LAIR2: variants seen among roughly 807,000 people sequenced by gnomAD.
LAIR2 encodes the protein leukocyte-associated immunoglobulin-like receptor 2.
A neutral mutation model predicts 14.8 loss-of-function variants in LAIR2; 14 were observed. The observed-to-expected ratio is 0.95, with a 90% CI of 0.62 to 1.48. LAIR2 has a LOEUF of 1.48. Ranked by LOEUF, LAIR2 falls within the 40% of genes most tolerant of loss-of-function variation. The pLI, the probability that LAIR2 is intolerant of heterozygous loss-of-function variation, is 0.00. For synonymous variants in LAIR2, 75 were observed against 74.5 expected, an observed-to-expected ratio of 1.01 and a Z score of -0.03; for missense variants, 172 against 180.9, an observed-to-expected ratio of 0.95 and a Z score of 0.28.
chr19:54,506,359 G>A (rs1207185184), intron 2 of LAIR2, among the ~76,000 whole-genome samples: 1 of 152,176 alleles, frequency 6.6e-6, no homozygotes, highest in Admixed American at 6.5e-5. Flanking sequence ...TAGTCACCGT[G>A]TTGTACATGA....
rs371739965 is a variant in LAIR2 at position 54,503,751 on chromosome 19, G to T, written c.70+16G>T. ...ACGCAGGAGGGTAAGTCATGCCTTC[G>T]TCCCGTCTTCCCAGTCCCCTCTGTC... On this transcript the variant is annotated intron_variant, in intron 2 of 4. Transcript: ENST00000301202. The T allele has an allele frequency of 1.9e-6, 3 of 1,613,822 alleles. No homozygotes were observed. The highest frequency in any genetic ancestry group is 1.3e-5 in the African/African-American group (1 of 74,842).
intron 4 of LAIR2, 26 bp from the exon 5 acceptor site, chr19:54,510,500 A>G (rs1321371002): frequency 6.3e-7 from 1 of 1,593,892 alleles, no homozygotes; most frequent in South Asian, 1.1e-5. Flanking sequence ...TCCTATTAAT[A>G]CTGAGGAAGT....
chr19:54,506,663 C>A (rs2085369604), intron 2 of LAIR2, among the ~76,000 whole-genome samples: 2 of 152,222 alleles, frequency 1.3e-5, no homozygotes, highest in Admixed American at 1.3e-4. Flanking sequence ...CGTCCACCTC[C>A]AAAGGGCAGG....
chr19:54,502,872 C>T lies in LAIR2; in HGVS notation c.-47C>T, dbSNP rs2042287. On this transcript the variant is annotated 5_prime_UTR_variant, in exon 1 of 5. Transcript: ENST00000301202. ...CCACGGGCAGGAGGCCCCCGGCCAGCACATCCTGTCTGCTTGTGTCTGCTG... is the reference window on the plus strand; with the variant it reads ...CCACGGGCAGGAGGCCCCCGGCCAGTACATCCTGTCTGCTTGTGTCTGCTG... 0.12 allele frequency: 189,584 copies of T among 1,612,690 alleles called. 12,705 individuals carry two copies. The highest frequency in any genetic ancestry group is 0.24 in the Admixed American group (14,576 of 59,976).
chr19:54,510,045 G>A (rs2085441132), intron 4 of LAIR2, among the ~76,000 whole-genome samples: 2 of 145,780 alleles, frequency 1.4e-5, no homozygotes, highest in Admixed American at 6.9e-5. Context: ...GAGCGATGCC[G>A]TGCTCCATCC....
chr19:54,504,801 G>A (rs1390717741), intron 2 of LAIR2, among the ~76,000 whole-genome samples: 2 of 152,040 alleles, frequency 1.3e-5, no homozygotes, highest in African/African-American at 4.8e-5. Flanking sequence ...GTAGAGATGG[G>A]GTTTCACCAT....
intron 2 of LAIR2, among the ~76,000 whole-genome samples, chr19:54,506,630 CA>C (rs2085369096): frequency 6.6e-6 from 1 of 152,216 alleles, no homozygotes; most frequent in African/African-American, 2.4e-5. Flanking sequence ...ATTCTTCGAT[CA>C]ATATCTGTCC....
At chr19:54,508,302 T>A in intron 3 of LAIR2, 118 bp downstream of exon 3, 5 of 978,626 alleles carry the variant, frequency 5.1e-6, no homozygotes, top group Non-Finnish European at 6.0e-6. Context: ...GCCCTCTTCC[T>A]GACCCCAAGC....
intron 2 of LAIR2, among the ~76,000 whole-genome samples, chr19:54,507,448 C>T (rs1282783486): frequency 1.1e-4 from 16 of 152,158 alleles, no homozygotes; most frequent in Non-Finnish European, 1.5e-4. Flanking sequence ...ACCCGGGGAC[C>T]GGCCAGTGCC....
chr19:54,508,315 T>TC (rs1555754866), intron 3 of LAIR2, 131 bp downstream of exon 3: 2 of 264,482 alleles, frequency 7.6e-6, no homozygotes, highest in African/African-American at 7.6e-5. Flanking sequence ...CCCCAAGCCC[T>TC]CCCCTCCCCT....
chr19:54,507,451 C>T (rs1316899654), intron 2 of LAIR2, among the ~76,000 whole-genome samples: 40 of 152,098 alleles, frequency 2.6e-4, no homozygotes, highest in Non-Finnish European at 4.9e-4. Context: ...CGGGGACCGG[C>T]CAGTGCCCTT....
chr19:54,503,724 A>T lies in LAIR2; in HGVS notation c.59A>T (p.His20Leu). The change falls in exon 2 of 5, where the codon CAC (histidine) becomes CTC (leucine). Residue 20 changes from histidine (H) to leucine (L), a missense_variant. By Grantham distance (99) the His-to-Leu change is moderately conservative. This residue lies in a region of LAIR2 where 161 missense variants were observed against 149.0 expected (regional missense o/e 1.08). Transcript: ENST00000301202. ...GTGCTCTGCCTGGCCCAGACCATCC[A>T]CACGCAGGAGGGTAAGTCATGCCTT... ...GLVLCLAQTI[H>L]TQEGALPRPS... 1.9e-6 allele frequency: 3 copies of T among 1,613,958 alleles called. No individual in the cohort carries two copies. In the South Asian group the frequency reaches 3.3e-5, roughly 18 times the overall value.
At chr19:54,503,613 C>A in intron 1 of LAIR2, 87 bp from the exon 2 acceptor site, 1 of 1,554,536 alleles carries the variant, frequency 6.4e-7, no homozygotes, top group South Asian at 1.1e-5. Context: ...GCTGAATGCC[C>A]CCCAGCTCCG....
chr19:54,504,713 G>A (rs996329767), intron 2 of LAIR2, among the ~76,000 whole-genome samples: 7 of 152,110 alleles, frequency 4.6e-5, no homozygotes, highest in Admixed American at 6.5e-5. Context: ...AAGTTCAAGC[G>A]ATTCTCCTGC....
chr19:54,503,994 A>G (rs1260248873), intron 2 of LAIR2, among the ~76,000 whole-genome samples: 2 of 151,974 alleles, frequency 1.3e-5, no homozygotes, highest in South Asian at 2.1e-4. Context: ...GTCTCACTCC[A>G]TCACCCAGGC....
chr19:54,505,785 T>C (rs945332966), intron 2 of LAIR2, among the ~76,000 whole-genome samples: 2 of 151,710 alleles, frequency 1.3e-5, no homozygotes, highest in Non-Finnish European at 2.9e-5. Context: ...AAACACTCCA[T>C]ATGCCGCTCA....
chr19:54,504,690 A>G (rs1286413963), intron 2 of LAIR2, among the ~76,000 whole-genome samples: 1 of 151,966 alleles, frequency 6.6e-6, no homozygotes, highest in East Asian at 1.9e-4. Context: ...GTTCACCGCA[A>G]ACTCAACTTC....
At chr19:54,510,247 G>A (rs942197314) in intron 4 of LAIR2, among the ~76,000 whole-genome samples, 3 of 143,962 alleles carry the variant, frequency 2.1e-5, no homozygotes, top group Non-Finnish European at 4.5e-5. Flanking sequence ...ACATATAAAG[G>A]TCACGAGGGC....
chr19:54,503,744 T>C lies in LAIR2; in HGVS notation c.70+9T>C, dbSNP rs1162195504. ...CATCCACACGCAGGAGGGTAAGTCA[T>C]GCCTTCGTCCCGTCTTCCCAGTCCC... On this transcript the variant is annotated intron_variant, in intron 2 of 4. Transcript: ENST00000301202. 1.2e-6 allele frequency: 2 copies of C among 1,613,952 alleles called. No individual in the cohort carries two copies. Among genetic ancestry groups the C allele is most frequent in the South Asian group, 1.1e-5 (1 of 91,076 alleles).
Sources: gnomAD v4.1 joint callset for allele counts (sites outside exome capture counted in the v4.1 genomes callset) on GRCh38, gnomAD v4.1.1 for gene constraint, gnomAD v4.1.1 regional missense constraint, MANE v1.5 for transcripts, NCBI Gene and HGNC (gene_info 2026-07-23, HGNC 2026-07-21) for gene names.